Variants in DTHD1 observed in about 807,000 individuals in gnomAD.
DTHD1 encodes the protein death domain-containing protein 1.
Under a neutral mutation model 74.8 loss-of-function variants are expected in DTHD1, and 59 were observed. The observed-to-expected ratio is 0.79, with a 90% CI of 0.64 to 0.98. The LOEUF (loss-of-function observed/expected upper bound fraction) is 0.98. Among genes scored for constraint, DTHD1 ranks in the 50% least tolerant of loss-of-function variants. The pLI is 0.00. For missense variants in DTHD1, 1,051 were observed against 1,065.4 expected, an observed-to-expected ratio of 0.99 and a Z score of 0.19; for synonymous variants, 365 against 371.1, an observed-to-expected ratio of 0.98 and a Z score of 0.19.
intron 7 of DTHD1, among the ~76,000 whole-genome samples, chr4:36,314,397 G>C (rs1757576745): frequency 6.6e-6 from 1 of 151,870 alleles, no homozygotes; most frequent in Non-Finnish European, 1.5e-5. Flanking sequence ...TCTTGGCCAG[G>C]TGCGGTGGCT....
intron 8 of DTHD1, among the ~76,000 whole-genome samples, chr4:36,329,581 A>G (rs1479134615): frequency 6.6e-6 from 1 of 152,220 alleles, no homozygotes; most frequent in Non-Finnish European, 1.5e-5. Context: ...AATACTTCTC[A>G]TATAAGTTTA....
At chr4:36,326,006 C>A (rs1758320394) in intron 8 of DTHD1, among the ~76,000 whole-genome samples, 1 of 152,112 alleles carries the variant, frequency 6.6e-6, no homozygotes, top group Admixed American at 6.5e-5. Flanking sequence ...AAGCCAGTTA[C>A]CGTGGCATAT....
intron 8 of DTHD1, among the ~76,000 whole-genome samples, chr4:36,320,616 G>A (rs1454708049): frequency 6.6e-6 from 1 of 152,192 alleles, no homozygotes; most frequent in Non-Finnish European, 1.5e-5. Context: ...AAAGTCTTCA[G>A]AAATAAGTTT....
chr4:36,329,575 CT>C (rs1264904105), intron 8 of DTHD1, among the ~76,000 whole-genome samples: 1 of 152,138 alleles, frequency 6.6e-6, no homozygotes, highest in Non-Finnish European at 1.5e-5. Context: ...GACAAAAATA[CT>C]TCTCATATAA....
At position 36,345,050 on chromosome 4, in the gene DTHD1, G is replaced by A. The variant is rs1185740138; in HGVS notation, c.*1226G>A. On this transcript the variant is annotated 3_prime_UTR_variant, in exon 10 of 10. Transcript: ENST00000639862. ...GGGAAAATTCCATATTTTGTTATTA[G>A]CGAAATGAGGCAGTGCAGAGAAAAT... 6.6e-6 allele frequency: 1 copy of A among 152,050 alleles called. No individual in the cohort carries two copies. Among genetic ancestry groups the A allele is most frequent in the Non-Finnish European group, 1.5e-5 (1 of 68,012 alleles). 9.4% of individuals were successfully genotyped at this position (152,050 alleles called of 1,614,324 possible).
intron 7 of DTHD1, among the ~76,000 whole-genome samples, chr4:36,314,987 A>G (rs556037826): frequency 6.6e-6 from 1 of 152,306 alleles, no homozygotes; most frequent in South Asian, 2.1e-4. Flanking sequence ...AAGCTCAGAG[A>G]TATGAAAAAC....
intron 8 of DTHD1, among the ~76,000 whole-genome samples, chr4:36,318,831 G>T (rs1177589913): frequency 1.3e-5 from 2 of 152,078 alleles, no homozygotes; most frequent in African/African-American, 2.4e-5. Flanking sequence ...AGCCAGGATG[G>T]TCTCAATCTC....
At position 36,345,500 on chromosome 4, in the gene DTHD1, T is replaced by G. The variant is rs572604655; in HGVS notation, c.*1676T>G. 2.6e-5 allele frequency: 4 copies of G among 152,326 alleles called. No homozygotes were observed. Among genetic ancestry groups the G allele is most frequent in the African/African-American group, 7.2e-5 (3 of 41,576 alleles). The allele number at this position is 152,326 out of a possible 1,614,324, so 9.4% of individuals were successfully genotyped here. ...TTAAATGTTTTAATCTCTTTCAAAT[T>G]TAAACGCAAGACTTCCTTCTACAAA... On this transcript the variant is annotated 3_prime_UTR_variant, in exon 10 of 10. Transcript: ENST00000639862.
At chr4:36,304,008 A>G (rs1756913422) in intron 5 of DTHD1, among the ~76,000 whole-genome samples, 1 of 152,206 alleles carries the variant, frequency 6.6e-6, no homozygotes, top group African/African-American at 2.4e-5. Context: ...GAGGCCAGGA[A>G]GTGTAACCCT....
intron 8 of DTHD1, among the ~76,000 whole-genome samples, chr4:36,336,960 G>T (rs150624469): frequency 2.3e-3 from 357 of 152,272 alleles, no homozygotes; most frequent in African/African-American, 8.2e-3. Context: ...GGAGGCAAGA[G>T]AGGAAAGTGG....
chr4:36,340,826 T>C (rs1339818584), intron 9 of DTHD1, among the ~76,000 whole-genome samples: 1 of 151,836 alleles, frequency 6.6e-6, no homozygotes, highest in Non-Finnish European at 1.5e-5. Flanking sequence ...AGGACAGAAA[T>C]AGAAGAGGCC....
intron 2 of DTHD1, among the ~76,000 whole-genome samples, chr4:36,287,519 AT>A (rs1428362071): frequency 6.6e-6 from 1 of 152,190 alleles, no homozygotes; most frequent in Non-Finnish European, 1.5e-5. Context: ...GGATCGCTGG[AT>A]TGAATGGTAC....
At chr4:36,293,821 CTTGTAG>C (rs1756232758) in intron 4 of DTHD1, 116 bp downstream of exon 4, 4 of 909,974 alleles carry the variant, frequency 4.4e-6, no homozygotes, top group Non-Finnish European at 6.1e-6. Flanking sequence ...GGATTATTTT[CTTGTAG>C]TTGTAACGGC....
rs1284102651 is a variant in DTHD1 at position 36,344,763 on chromosome 4, G to T, written c.*939G>T. On this transcript the variant is annotated 3_prime_UTR_variant, in exon 10 of 10. Coordinates refer to ENST00000639862, the MANE Select transcript of DTHD1 (RefSeq NM_001170700.3). Reference sequence around the variant, plus strand: ...TTCAGGATAACTTTGAAATGCCCTTGGCTGAGAGAAGGGGCTTGTTCAGAT... The same window carrying T: ...TTCAGGATAACTTTGAAATGCCCTTTGCTGAGAGAAGGGGCTTGTTCAGAT... The T allele has an allele frequency of 2.0e-5, 3 of 152,118 alleles. No homozygotes were observed. Among genetic ancestry groups the T allele is most frequent in the African/African-American group, 7.2e-5 (3 of 41,426 alleles). 9.4% of individuals were successfully genotyped at this position (152,118 alleles called of 1,614,324 possible). A position where few individuals can be genotyped will look rare whatever the true frequency, so the allele number is the denominator to read the frequency against.
chr4:36,323,984 A>G (rs1758188164), intron 8 of DTHD1, among the ~76,000 whole-genome samples: 1 of 152,192 alleles, frequency 6.6e-6, no homozygotes, highest in Non-Finnish European at 1.5e-5. Context: ...GGCAACCAGA[A>G]TGACCTTCAA....
intron 7 of DTHD1, among the ~76,000 whole-genome samples, chr4:36,309,375 C>T (rs901485680): frequency 8.5e-5 from 13 of 152,306 alleles, no homozygotes; most frequent in African/African-American, 3.1e-4. Context: ...TCACTTGAAC[C>T]CGGGAGGCGG....
chr4:36,285,604 A>G (rs1755654501), intron 2 of DTHD1, among the ~76,000 whole-genome samples: 1 of 151,792 alleles, frequency 6.6e-6, no homozygotes, highest in African/African-American at 2.4e-5. Context: ...AGATATTCAC[A>G]GACCATATTT....
intron 7 of DTHD1, among the ~76,000 whole-genome samples, chr4:36,313,963 A>T (rs991451243): frequency 6.6e-6 from 1 of 151,950 alleles, no homozygotes; most frequent in Non-Finnish European, 1.5e-5. Context: ...TTTACTATTT[A>T]GATAACATTT....
intron 5 of DTHD1, among the ~76,000 whole-genome samples, chr4:36,305,372 T>C (rs1320274520): frequency 6.6e-6 from 1 of 152,096 alleles, no homozygotes; most frequent in Non-Finnish European, 1.5e-5. Flanking sequence ...ATGTCTTACA[T>C]GGCAGAAGGC....
Sources: gnomAD v4.1 joint callset for allele counts (sites outside exome capture counted in the v4.1 genomes callset) on GRCh38, gnomAD v4.1.1 for gene constraint, MANE v1.5 for transcripts, NCBI Gene and HGNC (gene_info 2026-07-23, HGNC 2026-07-21) for gene names.